KANSL1L: variants seen among roughly 807,000 people sequenced by gnomAD.
KANSL1L encodes the protein KAT8 regulatory NSL complex subunit 1 like.
Under a neutral mutation model 108.6 loss-of-function variants are expected in KANSL1L, and 25 were observed. The ratio of observed to expected loss-of-function variants is 0.23; its 90% confidence interval spans 0.17 to 0.32. The LOEUF (loss-of-function observed/expected upper bound fraction) is 0.32. Ranked by LOEUF, KANSL1L falls within the 10% of genes least tolerant of loss-of-function variation. The pLI is 1.00. For synonymous variants in KANSL1L, 405 were observed against 395.1 expected (o/e 1.03, Z -0.30); for missense variants, 1,137 against 1,125.7 (o/e 1.01, Z -0.14).
chr2:210,071,210 G>T (rs187237941), intron 6 of KANSL1L, among the ~76,000 whole-genome samples: 1 of 152,086 alleles, frequency 6.6e-6, no homozygotes, highest in East Asian at 1.9e-4. Context: ...TCATGTTTAT[G>T]TGGCATTCAT....
At chr2:210,156,509 C>A (rs1294580969) in intron 1 of KANSL1L, among the ~76,000 whole-genome samples, 4 of 151,870 alleles carry the variant, frequency 2.6e-5, no homozygotes, top group African/African-American at 9.7e-5. Context: ...AGTATCAATA[C>A]AGAAAGACCT....
chr2:210,109,199 A>T (rs1279381525), intron 3 of KANSL1L, among the ~76,000 whole-genome samples: 12 of 152,246 alleles, frequency 7.9e-5, no homozygotes, highest in Admixed American at 3.3e-4. Flanking sequence ...ATAATTTTTT[A>T]AAAAAACAGG....
Position 210,171,295 on chromosome 2 carries a change from G to GGCCGCCGCCGCCGCCGCCGCC in KANSL1L, c.-197_-177dup, listed in dbSNP as rs66917529. ...CCAGAGCGCGCCCCGCTCCCGCCCC[G>GGCCGCCGCCGCCGCCGCCGCC]GCCGCCGCCGCCGCCGCCGCCGCCG... On this transcript the variant is annotated 5_prime_UTR_variant, in exon 1 of 15. Transcript: ENST00000281772. The GGCCGCCGCCGCCGCCGCCGCC allele has an allele frequency of 1.2e-5, 2 of 168,070 alleles. No individual in the cohort carries two copies. Among genetic ancestry groups the GGCCGCCGCCGCCGCCGCCGCC allele is most frequent in the African/African-American group, 4.9e-5 (2 of 40,884 alleles). 10.4% of individuals were successfully genotyped at this position (168,070 alleles called of 1,614,324 possible). A position where few individuals can be genotyped will look rare whatever the true frequency, so the allele number is the denominator to read the frequency against.
At position 210,154,002 on chromosome 2, in the gene KANSL1L, T is replaced by A; in HGVS notation, c.581A>T (p.His194Leu). The change falls in exon 2 of 15, where the codon CAC (histidine) becomes CTC (leucine). Residue 194 changes from histidine to leucine, a missense_variant. Physicochemically the swap from His to Leu is moderately conservative, Grantham distance 99. This residue lies in a region of KANSL1L where 556 missense variants were observed against 537.7 expected (regional missense o/e 1.03). Coordinates refer to ENST00000281772, the MANE Select transcript of KANSL1L (RefSeq NM_152519.4). ...TDAEIKKGLL[H>L]CTQKKIVPGH... ...AGGTACAATTTTCTTTTGAGTACAGTGCAATAAACCCTTTTTAATCTCAGC... is the reference window on the plus strand; with the variant it reads ...AGGTACAATTTTCTTTTGAGTACAGAGCAATAAACCCTTTTTAATCTCAGC... 6.2e-7 allele frequency: 1 copy of A among 1,613,892 alleles called. No homozygotes were observed. The highest frequency in any genetic ancestry group is 8.5e-7 in the Non-Finnish European group (1 of 1,180,012).
chr2:210,103,219 G>A (rs1199852235), intron 4 of KANSL1L, among the ~76,000 whole-genome samples: 1 of 148,682 alleles, frequency 6.7e-6, no homozygotes, highest in East Asian at 2.0e-4. Context: ...TCACAAGGAC[G>A]AAAAACCAAA....
chr2:210,149,297 A>T (rs2125624462), intron 2 of KANSL1L, among the ~76,000 whole-genome samples: 1 of 152,250 alleles, frequency 6.6e-6, no homozygotes, highest in East Asian at 1.9e-4. Flanking sequence ...AGAAGACAAT[A>T]CTAGCCTATA....
chr2:210,024,433 C>A (rs990345945), intron 13 of KANSL1L, among the ~76,000 whole-genome samples: 2 of 151,852 alleles, frequency 1.3e-5, no homozygotes, highest in Non-Finnish European at 2.9e-5. Context: ...GAGGGTTATT[C>A]TTGTTTTTTA....
intron 3 of KANSL1L, among the ~76,000 whole-genome samples, chr2:210,105,791 G>A (rs377565364): frequency 2.8e-4 from 43 of 152,156 alleles, no homozygotes; most frequent in Non-Finnish European, 5.0e-4. Flanking sequence ...CTTTTCCAAG[G>A]AGAAGGGGAG....
chr2:210,169,671 G>T (rs1458012357), intron 1 of KANSL1L, among the ~76,000 whole-genome samples: 1 of 152,182 alleles, frequency 6.6e-6, no homozygotes, highest in African/African-American at 2.4e-5. Context: ...GACAGTTTGC[G>T]GGAGAGAATA....
At chr2:210,083,948 C>G (rs1019807174) in intron 5 of KANSL1L, among the ~76,000 whole-genome samples, 1 of 151,442 alleles carries the variant, frequency 6.6e-6, no homozygotes, top group Non-Finnish European at 1.5e-5. Flanking sequence ...TCAAATAGAT[C>G]AAGATCTGGC....
chr2:210,081,295 A>G (rs948364044), intron 5 of KANSL1L, among the ~76,000 whole-genome samples: 1 of 151,672 alleles, frequency 6.6e-6, no homozygotes, highest in Non-Finnish European at 1.5e-5. Context: ...TAAATAATTC[A>G]CACTTCATAC....
chr2:210,093,783 T>C (rs1387451188), intron 5 of KANSL1L, among the ~76,000 whole-genome samples: 1 of 152,224 alleles, frequency 6.6e-6, no homozygotes, highest in Non-Finnish European at 1.5e-5. Flanking sequence ...TGTTCATCCA[T>C]GTTAATAGCA....
At chr2:210,120,629 A>T (rs1282585873) in intron 3 of KANSL1L, among the ~76,000 whole-genome samples, 1 of 152,240 alleles carries the variant, frequency 6.6e-6, no homozygotes, top group Non-Finnish European at 1.5e-5. Flanking sequence ...CTGCAACAAA[A>T]GCAAAAATTG....
chr2:210,167,360 C>A (rs145125355), intron 1 of KANSL1L, among the ~76,000 whole-genome samples: 2,338 of 152,074 alleles, frequency 0.015, 26 homozygotes, highest in Non-Finnish European at 0.024. Context: ...AAGGAATTCT[C>A]TTTGAAGACT....
chr2:210,029,689 CTG>C (rs2093988315), intron 10 of KANSL1L, 112 bp downstream of exon 10: 1 of 485,910 alleles, frequency 2.1e-6, no homozygotes, highest in South Asian at 4.2e-5. Context: ...TTATAAATGT[CTG>C]TTAATATGTG....
At chr2:210,043,085 G>T (rs979863996) in intron 7 of KANSL1L, among the ~76,000 whole-genome samples, 3 of 152,120 alleles carry the variant, frequency 2.0e-5, no homozygotes, top group South Asian at 4.1e-4. Flanking sequence ...GAGTGTAAAG[G>T]TTCCACAAAA....
chr2:210,136,788 T>C (rs1352571921), intron 2 of KANSL1L, among the ~76,000 whole-genome samples: 6 of 152,134 alleles, frequency 3.9e-5, no homozygotes, highest in South Asian at 2.1e-4. Context: ...TGAAAAGAAA[T>C]AGGATAAAAA....
chr2:210,172,101 A>T (rs1688371657), upstream of KANSL1L, among the ~76,000 whole-genome samples: 1 of 152,070 alleles, frequency 6.6e-6, no homozygotes, highest in African/African-American at 2.4e-5. Context: ...AAACAAACGG[A>T]GTTTATGTGG....
At chr2:210,086,530 T>C (rs2094639447) in intron 5 of KANSL1L, among the ~76,000 whole-genome samples, 1 of 151,374 alleles carries the variant, frequency 6.6e-6, no homozygotes, top group Non-Finnish European at 1.5e-5. Context: ...CTAGGCGATA[T>C]TGTTATTAAA....
Sources: allele counts gnomAD v4.1 joint callset (sites outside exome capture counted in the v4.1 genomes callset), GRCh38; gene constraint gnomAD v4.1.1; regional missense constraint gnomAD v4.1.1; transcripts MANE v1.5; gene names NCBI Gene and HGNC (gene_info 2026-07-23, HGNC 2026-07-21).